The following TSPAN15 variants were observed in gnomAD, a reference collection of about 807,000 sequenced individuals.
The protein encoded by TSPAN15 is tetraspanin-15.
TSPAN15 carries 20 observed loss-of-function variants against 34.5 expected under a neutral mutation model. The ratio of observed to expected loss-of-function variants is 0.58; its 90% CI spans 0.41 to 0.84. The LOEUF is 0.84. TSPAN15 is among the 40% of genes least tolerant of loss of function. The probability of loss-of-function intolerance (pLI) is 0.00; values close to 1 mark genes in which losing one functional copy is unlikely to be tolerated. For synonymous variants in TSPAN15, 155 were observed against 153.9 expected (o/e 1.01, Z -0.05); for missense variants, 313 against 386.1 (o/e 0.81, Z 1.59).
chr10:69,522,259 G>T, the TSPAN15 span, among the ~76,000 whole-genome samples: 2 of 145,124 alleles, frequency 1.4e-5, no homozygotes, highest in African/African-American at 2.5e-5. Flanking sequence ...TACTGGGGAG[G>T]CTGAGGTAGG....
the TSPAN15 span, among the ~76,000 whole-genome samples, chr10:69,546,041 C>T: frequency 1.2e-4 from 19 of 152,188 alleles, no homozygotes; most frequent in Non-Finnish European, 8.8e-5. Flanking sequence ...AGTGGGTGGC[C>T]GAGTTTACCT....
At chr10:69,484,082 G>T in intron 2 of TSPAN15, 1 of 509,724 alleles carries the variant, frequency 2.0e-6, no homozygotes, top group Non-Finnish European at 3.5e-6. Flanking sequence ...TTTGAATACT[G>T]TTCTTACTTA....
At chr10:69,522,204 C>A in the TSPAN15 span, among the ~76,000 whole-genome samples, 3 of 144,612 alleles carry the variant, frequency 2.1e-5, no homozygotes, top group East Asian at 5.3e-4. Flanking sequence ...ACTAAAAATA[C>A]AAAAAAAATT....
chr10:69,522,621 C>T, the TSPAN15 span, among the ~76,000 whole-genome samples: 2 of 146,960 alleles, frequency 1.4e-5, no homozygotes, highest in Non-Finnish European at 3.0e-5. Context: ...TGAGCTCTGC[C>T]TCCTGTCAGA....
chr10:69,499,054 G>C (rs1159936212), intron 5 of TSPAN15, among the ~76,000 whole-genome samples: 1 of 152,222 alleles, frequency 6.6e-6, no homozygotes, highest in Non-Finnish European at 1.5e-5. Flanking sequence ...TCCCCAGCAC[G>C]ATCCTCTCGG....
chr10:69,470,460 A>G (rs1202950460), intron 1 of TSPAN15, among the ~76,000 whole-genome samples: 1 of 152,142 alleles, frequency 6.6e-6, no homozygotes, highest in African/African-American at 2.4e-5. Flanking sequence ...TCCAGCCTCA[A>G]AATACACTGC....
At chr10:69,512,862 TTTG>T in the TSPAN15 span, among the ~76,000 whole-genome samples, 1 of 152,370 alleles carries the variant, frequency 6.6e-6, no homozygotes, top group Middle Eastern at 3.4e-3. Flanking sequence ...TTTCCAGTTT[TTTG>T]TTGTTGTTAC....
chr10:69,500,535 G>C (rs1564615635), intron 5 of TSPAN15, among the ~76,000 whole-genome samples: 2 of 152,212 alleles, frequency 1.3e-5, no homozygotes, highest in South Asian at 4.1e-4. Flanking sequence ...TGAGGGTGGA[G>C]TTCCCATTCA....
chr10:69,542,726 G>A, the TSPAN15 span, among the ~76,000 whole-genome samples: 1 of 152,292 alleles, frequency 6.6e-6, no homozygotes, highest in South Asian at 2.1e-4. Flanking sequence ...TCACTATCAC[G>A]AGAACAGCAT....
chr10:69,513,819 C>T, the TSPAN15 span, among the ~76,000 whole-genome samples: 1 of 152,240 alleles, frequency 6.6e-6, no homozygotes. Context: ...TGCTCCAGCA[C>T]CACCTGTTGA....
At chr10:69,479,925 G>A (rs1232300129) in intron 1 of TSPAN15, among the ~76,000 whole-genome samples, 3 of 152,268 alleles carry the variant, frequency 2.0e-5, no homozygotes, top group African/African-American at 7.2e-5. Flanking sequence ...GATTGCTTGA[G>A]GGAGTTCTTG....
chr10:69,523,119 G>A, the TSPAN15 span, among the ~76,000 whole-genome samples: 45 of 148,116 alleles, frequency 3.0e-4, 3 homozygotes, highest in African/African-American at 1.1e-3. Flanking sequence ...ATGGGGTAAA[G>A]TAATTGTTCT....
chr10:69,523,261 C>T, the TSPAN15 span: 2 of 329,174 alleles, frequency 6.1e-6, no homozygotes, highest in Non-Finnish European at 1.1e-5. Flanking sequence ...TCTGCTCCAA[C>T]TCTCAAAAAA....
rs377164436 is a variant in TSPAN15 at position 69,507,023 on chromosome 10, G to C, written c.*45G>C. 1.1e-5 allele frequency: 17 copies of C among 1,589,454 alleles called. No homozygotes were observed. In the African/African-American group the frequency reaches 2.3e-4, roughly 21 times the overall value. Reference sequence around the variant, plus strand: ...GCTCCAACAAGGACCGTCTGGGATAGCACCTCTCAGTCAACATCGTGGGGC... The same window carrying C: ...GCTCCAACAAGGACCGTCTGGGATACCACCTCTCAGTCAACATCGTGGGGC... On this transcript the variant is annotated 3_prime_UTR_variant, in exon 8 of 8. Transcript: ENST00000373290.
chr10:69,508,805 T>C (rs1294300810), downstream of TSPAN15, among the ~76,000 whole-genome samples: 1 of 152,114 alleles, frequency 6.6e-6, no homozygotes, highest in Non-Finnish European at 1.5e-5. Context: ...AGCCATGACT[T>C]GAGCCCAGAT....
At chr10:69,539,144 A>G in the TSPAN15 span, among the ~76,000 whole-genome samples, 1 of 152,100 alleles carries the variant, frequency 6.6e-6, no homozygotes, top group African/African-American at 2.4e-5. Context: ...GGCCTCTGAG[A>G]TGGAATGGAA....
the TSPAN15 span, among the ~76,000 whole-genome samples, chr10:69,546,333 G>A: frequency 9.9e-5 from 15 of 152,178 alleles, no homozygotes; most frequent in Non-Finnish European, 4.4e-5. Context: ...CCCCTTGAAT[G>A]TGCCTGGGGT....
intron 5 of TSPAN15, among the ~76,000 whole-genome samples, chr10:69,502,615 C>T (rs952271513): frequency 2.0e-5 from 3 of 152,112 alleles, no homozygotes; most frequent in African/African-American, 4.8e-5. Context: ...TGCAGAATAT[C>T]GATTCTATGG....
intron 5 of TSPAN15, among the ~76,000 whole-genome samples, chr10:69,503,162 C>T (rs1343519643): frequency 6.6e-6 from 1 of 152,282 alleles, no homozygotes; most frequent in Middle Eastern, 3.4e-3. Context: ...CCAGTGGGCA[C>T]TGGGCATGGC....
Sources: allele counts gnomAD v4.1 joint callset (sites outside exome capture counted in the v4.1 genomes callset), GRCh38; gene constraint gnomAD v4.1.1; transcripts MANE v1.5; gene names NCBI Gene and HGNC (gene_info 2026-07-23, HGNC 2026-07-21).